TG: variants seen among roughly 807,000 people sequenced by gnomAD.
TG encodes thyroid hormones.
A neutral mutation model predicts 324.7 loss-of-function variants in TG; 270 were observed. The ratio of observed to expected loss-of-function variants is 0.83; its 90% confidence interval spans 0.75 to 0.92. The LOEUF is 0.92. TG is among the 40% of genes least tolerant of loss of function. TG has a pLI of 0.00. For missense variants in TG, 3,591 were observed against 3,456.4 expected (o/e 1.04, Z -0.98); for synonymous variants, 1,401 against 1,327.0 (o/e 1.06, Z -1.21).
chr8:132,932,555 A>G (rs1266901230), intron 23 of TG, among the ~76,000 whole-genome samples: 1 of 152,208 alleles, frequency 6.6e-6, no homozygotes, highest in Non-Finnish European at 1.5e-5. Flanking sequence ...GTGCTTTGTA[A>G]TGATAAATGT....
intron 35 of TG, among the ~76,000 whole-genome samples, chr8:133,009,042 G>T (rs1244080424): frequency 6.6e-6 from 1 of 152,210 alleles, no homozygotes; most frequent in Non-Finnish European, 1.5e-5. Context: ...GGAGGGAATG[G>T]CAGGACTTGG....
chr8:132,978,951 C>T (rs184120856), intron 34 of TG, among the ~76,000 whole-genome samples: 4 of 152,300 alleles, frequency 2.6e-5, no homozygotes, highest in East Asian at 1.9e-4. Flanking sequence ...AGCCATGGGC[C>T]TTCTGATTCT....
intron 7 of TG, 70 bp downstream of exon 7, chr8:132,882,682 A>G: frequency 1.9e-6 from 3 of 1,613,378 alleles, no homozygotes; most frequent in African/African-American, 2.7e-5. Flanking sequence ...CAAAGTTGCT[A>G]TGGTGTGTGT....
rs1834744566 is a variant in TG, at chr8:133,013,723, T to A, written c.6521T>A (p.Leu2174His). 1.2e-6 allele frequency: 2 copies of A among 1,613,332 alleles called. No individual in the cohort carries two copies. The highest frequency in any genetic ancestry group is 1.7e-6 in the Non-Finnish European group (2 of 1,180,024). Residue 2174 changes from leucine (L) to histidine (H), a missense_variant, in exon 37 of 48, where the codon CTT becomes CAT. By Grantham distance (99) the Leu-to-His change is moderately conservative. Coordinates refer to ENST00000220616, the MANE Select transcript of TG (RefSeq NM_003235.5). ...AGTCTGCAGGGTCAGAACTGCCGACTTCTGCTTCGTGAAGAGGCCACCCAC... is the reference window on the plus strand; with the variant it reads ...AGTCTGCAGGGTCAGAACTGCCGACATCTGCTTCGTGAAGAGGCCACCCAC... ...THSLQGQNCRLLLREEATHIY... is the reference protein window; with the variant it reads ...THSLQGQNCRHLLREEATHIY...
At chr8:132,928,924 C>T in intron 22 of TG, 152 bp from the exon 23 acceptor site, 1 of 696,922 alleles carries the variant, frequency 1.4e-6, no homozygotes, top group Middle Eastern at 3.9e-4. Context: ...TATGTTGGAG[C>T]TACCTTACAA....
intron 23 of TG, 110 bp downstream of exon 23, chr8:132,929,302 T>C (rs1204730438): frequency 1.2e-6 from 1 of 838,872 alleles, no homozygotes; most frequent in African/African-American, 1.7e-5. Context: ...TTTAAAAACA[T>C]ACTTTATCAA....
chr8:132,968,635 A>C (rs1828998529), intron 31 of TG, among the ~76,000 whole-genome samples: 1 of 152,246 alleles, frequency 6.6e-6, no homozygotes, highest in Admixed American at 6.5e-5. Flanking sequence ...AGGGGTCCAC[A>C]AGCTGACTGG....
chr8:133,057,248 C>T (rs1841610204), intron 41 of TG, among the ~76,000 whole-genome samples: 7 of 152,092 alleles, frequency 4.6e-5, no homozygotes, highest in Admixed American at 3.9e-4. Flanking sequence ...AGCAGAGAGA[C>T]AGAGTGCTCA....
chr8:132,900,863 T>A (rs898658494), intron 15 of TG, among the ~76,000 whole-genome samples: 2 of 152,220 alleles, frequency 1.3e-5, no homozygotes, highest in Non-Finnish European at 2.9e-5. Flanking sequence ...GGTGCAGTTG[T>A]GATAAATTCT....
intron 31 of TG, among the ~76,000 whole-genome samples, 196 bp downstream of exon 31, chr8:132,968,166 A>G (rs1828905087): frequency 6.6e-6 from 1 of 152,240 alleles, no homozygotes; most frequent in Admixed American, 6.5e-5. Context: ...CTCAGTTTAA[A>G]CAAAAAATAT....
rs1370865238 is a variant in TG at position 132,923,632 on chromosome 8, A to T, written c.4699+124A>T. ...CCAACTTTTTGTTTTGAAAAATTTT[A>T]ATCTGTGTAGAAGTTGGAAGAACCG... On this transcript the variant is annotated intron_variant, in intron 22 of 47. Transcript: ENST00000220616. 4.1e-6 allele frequency: 5 copies of T among 1,207,392 alleles called. No individual in the cohort carries two copies. The Admixed American group carries it at 1.1e-4, about 27-fold the overall frequency. The allele number at this position is 1,207,392 out of a possible 1,614,324, so 74.8% of individuals were successfully genotyped here.
intron 36 of TG, 43 bp from the exon 37 acceptor site, chr8:133,013,557 A>G (rs375110470): frequency 1.9e-5 from 31 of 1,612,532 alleles, no homozygotes; most frequent in South Asian, 1.6e-4. Flanking sequence ...GTGAAGTAAC[A>G]TCTCTGAGGC....
chr8:132,896,683 C>A (rs1464012707), intron 11 of TG, among the ~76,000 whole-genome samples: 1 of 151,988 alleles, frequency 6.6e-6, no homozygotes, highest in Non-Finnish European at 1.5e-5. Flanking sequence ...ACCCTTGCTT[C>A]TTCCTCTCCC....
chr8:132,921,174 A>T (rs1821057233), intron 21 of TG, among the ~76,000 whole-genome samples: 1 of 152,218 alleles, frequency 6.6e-6, no homozygotes, highest in African/African-American at 2.4e-5. Flanking sequence ...TCACCTCCAA[A>T]TACCATCACA....
intron 41 of TG, among the ~76,000 whole-genome samples, chr8:133,035,743 T>A (rs1390058953): frequency 6.6e-6 from 1 of 152,252 alleles, no homozygotes; most frequent in Non-Finnish European, 1.5e-5. Flanking sequence ...CACCACAGGT[T>A]TTCCTTTTGT....
chr8:133,048,282 G>A (rs147359055), intron 41 of TG, among the ~76,000 whole-genome samples: 95 of 152,082 alleles, frequency 6.2e-4, no homozygotes, highest in African/African-American at 2.0e-3. Flanking sequence ...GAACAGTGGC[G>A]TGACCTTGGT....
intron 34 of TG, among the ~76,000 whole-genome samples, chr8:132,976,563 C>T (rs1353585534): frequency 6.6e-6 from 1 of 152,194 alleles, no homozygotes; most frequent in African/African-American, 2.4e-5. Flanking sequence ...AATCTCCTCT[C>T]CCCAAGCAGG....
intron 20 of TG, among the ~76,000 whole-genome samples, chr8:132,917,039 CTCCCTCCT>C (rs1563951846): frequency 1.7e-3 from 101 of 58,102 alleles, no homozygotes; most frequent in Admixed American, 4.1e-3. Flanking sequence ...CCCTCCCTCC[CTCCCTCCT>C]TCCTTCCTTC....
intron 43 of TG, among the ~76,000 whole-genome samples, chr8:133,110,877 A>G (rs1257515422): frequency 6.6e-6 from 1 of 152,124 alleles, no homozygotes; most frequent in Non-Finnish European, 1.5e-5. Context: ...CTTAGCCCGC[A>G]CCCACGAACA....
Sources: allele counts gnomAD v4.1 joint callset (sites outside exome capture counted in the v4.1 genomes callset), GRCh38; gene constraint gnomAD v4.1.1; transcripts MANE v1.5; gene names NCBI Gene and HGNC (gene_info 2026-07-23, HGNC 2026-07-21).